The following ESYT2 variants were observed in gnomAD, a reference collection of about 807,000 sequenced individuals.
ESYT2 encodes the protein extended synaptotagmin-2.
A neutral mutation model predicts 107.2 loss-of-function variants in ESYT2; 54 were observed. That is an observed-to-expected ratio of 0.50 (90% CI 0.40 to 0.63). ESYT2 has a LOEUF of 0.63. Ranked by LOEUF, ESYT2 falls within the 30% of genes least tolerant of loss-of-function variation. The pLI is 0.00. For missense variants in ESYT2, 1,020 were observed against 1,094.5 expected, an observed-to-expected ratio of 0.93 and a Z score of 0.96; for synonymous variants, 491 against 434.1, an observed-to-expected ratio of 1.13 and a Z score of -1.63.
intron 7 of ESYT2, among the ~76,000 whole-genome samples, 176 bp downstream of exon 7, chr7:158,773,165 G>A (rs932022121): frequency 6.6e-6 from 1 of 151,962 alleles, no homozygotes; most frequent in Non-Finnish European, 1.5e-5. Flanking sequence ...AGCAGCTCCC[G>A]GCAGGCAGAA....
At chr7:158,781,292 G>C (rs1170539331) in intron 6 of ESYT2, among the ~76,000 whole-genome samples, 3 of 45,018 alleles carry the variant, frequency 6.7e-5, no homozygotes, top group Non-Finnish European at 2.1e-4. Context: ...TGAGAACAGT[G>C]TGCGGTGTGT....
chr7:158,799,839 C>T (rs1368297228), intron 1 of ESYT2, among the ~76,000 whole-genome samples: 1 of 151,980 alleles, frequency 6.6e-6, no homozygotes, highest in Non-Finnish European at 1.5e-5. Context: ...AGAAAAGAAA[C>T]CTATTTAGGG....
chr7:158,750,162 G>A (rs963079576), intron 14 of ESYT2, among the ~76,000 whole-genome samples: 1 of 151,918 alleles, frequency 6.6e-6, no homozygotes, highest in Non-Finnish European at 1.5e-5. Flanking sequence ...TCAGATACAC[G>A]GTTTTATGTT....
At chr7:158,785,010 A>G (rs1284861626) in intron 6 of ESYT2, among the ~76,000 whole-genome samples, 1 of 152,182 alleles carries the variant, frequency 6.6e-6, no homozygotes, top group East Asian at 1.9e-4. Context: ...ACACCCTAAA[A>G]CCGTATGCTG....
At chr7:158,777,764 G>A (rs1201752088) in intron 6 of ESYT2, among the ~76,000 whole-genome samples, 3 of 152,034 alleles carry the variant, frequency 2.0e-5, no homozygotes, top group Non-Finnish European at 2.9e-5. Context: ...GTACTAATCC[G>A]CCATCTTACA....
At chr7:158,821,707 G>T (rs191869154) in intron 1 of ESYT2, among the ~76,000 whole-genome samples, 1 of 152,232 alleles carries the variant, frequency 6.6e-6, no homozygotes, top group African/African-American at 2.4e-5. Context: ...TGGGCCCAGA[G>T]TAAGTCCCAA....
intron 1 of ESYT2, among the ~76,000 whole-genome samples, chr7:158,828,731 G>A (rs909492820): frequency 2.0e-5 from 3 of 152,160 alleles, no homozygotes; most frequent in East Asian, 1.9e-4. Context: ...AGGCGGACAG[G>A]TTCGCAGGGA....
chr7:158,777,569 C>T (rs534917680), intron 6 of ESYT2, among the ~76,000 whole-genome samples: 238 of 152,286 alleles, frequency 1.6e-3, no homozygotes, highest in South Asian at 2.3e-3. Flanking sequence ...TAAGATGTGC[C>T]TCACTTCCCC....
chr7:158,741,449 A>G, intron 18 of ESYT2, 74 bp downstream of exon 18: 2 of 1,476,272 alleles, frequency 1.4e-6, no homozygotes, highest in East Asian at 2.3e-5. Flanking sequence ...TGCTGCGTTA[A>G]ACGACTCTCC....
At chr7:158,800,165 C>CA (rs1310558776) in intron 1 of ESYT2, among the ~76,000 whole-genome samples, 1 of 151,540 alleles carries the variant, frequency 6.6e-6, no homozygotes, top group Non-Finnish European at 1.5e-5. Flanking sequence ...TCTCCTACCT[C>CA]AGCCTCCTGA....
intron 13 of ESYT2, among the ~76,000 whole-genome samples, chr7:158,756,883 TG>T (rs1190798393): frequency 2.3e-5 from 3 of 132,704 alleles, no homozygotes; most frequent in African/African-American, 9.0e-5. Flanking sequence ...CACTCCAGCC[TG>T]GGCAAGAAGA....
chr7:158,748,362 T>A, intron 15 of ESYT2, 82 bp from the exon 16 acceptor site: 1 of 1,121,240 alleles, frequency 8.9e-7, no homozygotes, highest in Non-Finnish European at 1.3e-6. Context: ...AAGCTTAGAA[T>A]GAAAAATAAA....
intron 13 of ESYT2, among the ~76,000 whole-genome samples, chr7:158,753,069 T>C (rs1368172780): frequency 6.6e-6 from 1 of 152,234 alleles, no homozygotes; most frequent in Non-Finnish European, 1.5e-5. Flanking sequence ...GACAGCTCCT[T>C]ATCCCCTATG....
chr7:158,794,805 A>C (rs918654630), intron 3 of ESYT2, among the ~76,000 whole-genome samples: 5 of 152,170 alleles, frequency 3.3e-5, no homozygotes, highest in Admixed American at 3.3e-4. Context: ...TTACCTTTAG[A>C]GTACTACTGC....
chr7:158,766,327 C>A (rs191684310), intron 8 of ESYT2, among the ~76,000 whole-genome samples: 1 of 152,266 alleles, frequency 6.6e-6, no homozygotes, highest in East Asian at 1.9e-4. Context: ...TTGACAGCAC[C>A]GGCTGTTAAG....
chr7:158,810,359 C>T (rs1050201993), intron 1 of ESYT2, among the ~76,000 whole-genome samples: 68 of 152,244 alleles, frequency 4.5e-4, no homozygotes, highest in Middle Eastern at 3.4e-3. Context: ...AAATGAAACA[C>T]TAATATATGT....
chr7:158,755,919 T>C lies in ESYT2; in HGVS notation c.1420-3076A>G, dbSNP rs1837739305. On this transcript the variant is annotated intron_variant, in intron 13 of 22. Coordinates refer to ENST00000275418, the MANE Select transcript of ESYT2 (RefSeq NM_001367773.1). The stretch of plus-strand genomic sequence containing the variant: ...CATTAGGAGAAACACCTAAGGTAAA[T>C]GACGAGTTGGTGTGTGCAGCAAACA... Among the ~76,000 whole-genome samples the C allele has an allele frequency of 2.0e-5, 3 of 152,116 alleles. No individual in the cohort carries two copies. In the South Asian group the frequency reaches 6.2e-4, roughly 32 times the overall value.
At chr7:158,829,051 G>A in intron 1 of ESYT2, 38 bp downstream of exon 1, 1 of 1,567,848 alleles carries the variant, frequency 6.4e-7, no homozygotes, top group South Asian at 1.1e-5. Flanking sequence ...ATCGGGACTG[G>A]TGGTCAGGGG....
chr7:158,802,430 GCCA>G (rs1239266379), intron 1 of ESYT2, among the ~76,000 whole-genome samples: 7 of 152,236 alleles, frequency 4.6e-5, no homozygotes, highest in African/African-American at 7.2e-5. Flanking sequence ...ACAGGTGCCC[GCCA>G]CCACAAGTGG....
Sources: gnomAD v4.1 joint callset for allele counts (sites outside exome capture counted in the v4.1 genomes callset) on GRCh38, gnomAD v4.1.1 for gene constraint, MANE v1.5 for transcripts, NCBI Gene and HGNC (gene_info 2026-07-23, HGNC 2026-07-21) for gene names.